Variants in ADAMTS12 observed in about 807,000 individuals in gnomAD.
The protein encoded by ADAMTS12 is A disintegrin and metalloproteinase with thrombospondin motifs 12.
Under a neutral mutation model 167.8 loss-of-function variants are expected in ADAMTS12, and 118 were observed. The observed-to-expected ratio is 0.70, with a 90% CI of 0.61 to 0.82. ADAMTS12 has a LOEUF of 0.82. Among genes scored for constraint, ADAMTS12 ranks in the 40% least tolerant of loss-of-function variants. The probability of loss-of-function intolerance (pLI) is 0.00; values close to 1 mark genes in which losing one functional copy is unlikely to be tolerated. For synonymous variants in ADAMTS12, 704 were observed against 716.9 expected (o/e 0.98, Z 0.29); for missense variants, 1,916 against 1,998.8 (o/e 0.96, Z 0.79).
chr5:33,621,197 A>C (rs555739883), intron 14 of ADAMTS12, among the ~76,000 whole-genome samples: 1 of 152,198 alleles, frequency 6.6e-6, no homozygotes, highest in Admixed American at 6.5e-5. Flanking sequence ...CAGGAGTTTG[A>C]GACCAGCCTG....
chr5:33,717,408 A>G (rs1743653720), intron 3 of ADAMTS12, among the ~76,000 whole-genome samples: 1 of 152,198 alleles, frequency 6.6e-6, no homozygotes, highest in South Asian at 2.1e-4. Context: ...GCCAGATCCT[A>G]TCAGAAGTGC....
intron 20 of ADAMTS12, among the ~76,000 whole-genome samples, chr5:33,560,358 G>A (rs1169708289): frequency 6.6e-6 from 1 of 152,182 alleles, no homozygotes; most frequent in African/African-American, 2.4e-5. Flanking sequence ...GTGGAAGTCA[G>A]TGTGGCGATT....
chr5:33,756,161 G>T (rs1745160529), intron 2 of ADAMTS12, among the ~76,000 whole-genome samples: 1 of 152,200 alleles, frequency 6.6e-6, no homozygotes, highest in Non-Finnish European at 1.5e-5. Flanking sequence ...AAAGCCCAGG[G>T]TAATTTTATG....
chr5:33,727,819 TC>T (rs1744040710), intron 3 of ADAMTS12, among the ~76,000 whole-genome samples: 1 of 152,212 alleles, frequency 6.6e-6, no homozygotes, highest in Non-Finnish European at 1.5e-5. Context: ...CTAATTCCGT[TC>T]CTGGTATTTA....
chr5:33,726,849 C>T lies in ADAMTS12; in HGVS notation c.634+24555G>A, dbSNP rs147468841. Among the ~76,000 whole-genome samples, 127 of 151,602 alleles carry T rather than the reference C, an allele frequency of 8.4e-4. 3 individuals are homozygous for T. The highest frequency in any genetic ancestry group is 3.0e-3 in the African/African-American group (124 of 40,904). ...TCATCCTTACATGTGTGTGGTGCCC[C>T]GCAGTTTATAAAGTGCCCTCACTCT... On this transcript the variant is annotated intron_variant, in intron 3 of 23. Transcript: ENST00000504830.
At chr5:33,648,101 A>G (rs555686469) in intron 9 of ADAMTS12, among the ~76,000 whole-genome samples, 2 of 152,342 alleles carry the variant, frequency 1.3e-5, no homozygotes, top group Admixed American at 6.5e-5. Context: ...CTTTTGCATT[A>G]TAAGGGATGA....
Position 33,643,478 on chromosome 5 carries a change from AC to A in ADAMTS12, c.1480-9del. 6.2e-7 allele frequency: 1 copy of A among 1,613,612 alleles called. No homozygotes were observed. The highest frequency in any genetic ancestry group is 8.5e-7 in the Non-Finnish European group (1 of 1,179,560). On this transcript the variant is annotated splice_polypyrimidine_tract_variant and intron_variant, in intron 9 of 23. Coordinates refer to ENST00000504830, the MANE Select transcript of ADAMTS12 (RefSeq NM_030955.4). ...CAGTGTCTGGCAGACGTTCTAGAAAACAAATTGCACTTCTTTTGTATTTTCA... is the reference window on the plus strand; with the variant it reads ...CAGTGTCTGGCAGACGTTCTAGAAAAAAATTGCACTTCTTTTGTATTTTCA...
At chr5:33,573,287 A>G (rs1295396088) in intron 19 of ADAMTS12, among the ~76,000 whole-genome samples, 12 of 152,084 alleles carry the variant, frequency 7.9e-5, no homozygotes, top group Admixed American at 1.3e-4. Flanking sequence ...AGCCCACATC[A>G]CCAAGTCAAT....
intron 3 of ADAMTS12, among the ~76,000 whole-genome samples, chr5:33,713,330 A>G (rs570706248): frequency 6.6e-6 from 1 of 152,284 alleles, no homozygotes; most frequent in Admixed American, 6.5e-5. Flanking sequence ...GGGAGCAAAA[A>G]CAGAACCAAG....
intron 18 of ADAMTS12, among the ~76,000 whole-genome samples, chr5:33,585,395 C>G (rs1747295877): frequency 6.6e-6 from 1 of 152,206 alleles, no homozygotes; most frequent in Non-Finnish European, 1.5e-5. Context: ...TTCTAGTTCA[C>G]CACTTCAATG....
intron 16 of ADAMTS12, among the ~76,000 whole-genome samples, chr5:33,600,858 A>T (rs952789025): frequency 6.6e-6 from 1 of 152,208 alleles, no homozygotes; most frequent in Non-Finnish European, 1.5e-5. Flanking sequence ...AATAAGTAGC[A>T]AACATTAACT....
chr5:33,845,504 T>C (rs1007582002), intron 2 of ADAMTS12, among the ~76,000 whole-genome samples: 2 of 152,188 alleles, frequency 1.3e-5, no homozygotes, highest in Admixed American at 6.5e-5. Flanking sequence ...AATAACATAT[T>C]AAATAATGAT....
At chr5:33,657,819 CT>C (rs1284768786) in intron 7 of ADAMTS12, among the ~76,000 whole-genome samples, 1 of 152,084 alleles carries the variant, frequency 6.6e-6, no homozygotes, top group Non-Finnish European at 1.5e-5. Flanking sequence ...GGTTTTATGG[CT>C]TTTTAGTGAT....
intron 7 of ADAMTS12, among the ~76,000 whole-genome samples, chr5:33,652,940 C>G (rs1330195190): frequency 1.3e-5 from 2 of 152,080 alleles, no homozygotes; most frequent in Non-Finnish European, 2.9e-5. Context: ...ATGGGGTCCC[C>G]CACATATACA....
chr5:33,708,682 A>G (rs1743282619), intron 3 of ADAMTS12, among the ~76,000 whole-genome samples: 1 of 152,218 alleles, frequency 6.6e-6, no homozygotes, highest in Non-Finnish European at 1.5e-5. Context: ...CATTCTCAGC[A>G]AACTAACACA....
chr5:33,698,073 G>A (rs1742850668), intron 3 of ADAMTS12, among the ~76,000 whole-genome samples: 1 of 152,218 alleles, frequency 6.6e-6, no homozygotes, highest in Non-Finnish European at 1.5e-5. Context: ...GGAGAGGGGA[G>A]AGCCAACTGA....
chr5:33,627,191 G>C (rs1469414830), intron 13 of ADAMTS12, among the ~76,000 whole-genome samples: 2 of 149,990 alleles, frequency 1.3e-5, no homozygotes, highest in African/African-American at 2.5e-5. Context: ...ATGAGGTGGT[G>C]GTGATGGTGG....
At chr5:33,818,864 G>C (rs569957378) in intron 2 of ADAMTS12, among the ~76,000 whole-genome samples, 2 of 152,096 alleles carry the variant, frequency 1.3e-5, no homozygotes, top group South Asian at 4.2e-4. Flanking sequence ...TCATATAACT[G>C]TTAGTTATTT....
intron 18 of ADAMTS12, among the ~76,000 whole-genome samples, chr5:33,582,300 G>C (rs1200119194): frequency 2.0e-5 from 3 of 152,184 alleles, no homozygotes; most frequent in Non-Finnish European, 4.4e-5. Flanking sequence ...GAAGAACTGA[G>C]ATGTTGATGA....
Sources: gnomAD v4.1 joint callset for allele counts (sites outside exome capture counted in the v4.1 genomes callset) on GRCh38, gnomAD v4.1.1 for gene constraint, MANE v1.5 for transcripts, NCBI Gene and HGNC (gene_info 2026-07-23, HGNC 2026-07-21) for gene names.